AADACL2: variants seen among roughly 807,000 people sequenced by gnomAD.
AADACL2 encodes the protein arylacetamide deacetylase-like 2.
AADACL2 carries 23 observed loss-of-function variants against 22.3 expected under a neutral mutation model. That is an observed-to-expected ratio of 1.03 (90% confidence interval 0.74 to 1.46). The LOEUF is 1.46. AADACL2 is among the 40% of genes most tolerant of loss of function. AADACL2 has a pLI of 0.00. For synonymous variants in AADACL2, 177 were observed against 166.2 expected, an observed-to-expected ratio of 1.07 and a Z score of -0.50; for missense variants, 472 against 482.9, an observed-to-expected ratio of 0.98 and a Z score of 0.21.
Position 151,745,509 on chromosome 3 carries a change from C to G in AADACL2, c.432C>G (p.Asp144Glu). ...NTLDAVVVGVDYRLAPQHHFP... is the reference protein window; with the variant it reads ...NTLDAVVVGVEYRLAPQHHFP... The stretch of plus-strand genomic sequence containing the variant: ...ATGCTTTATTATTCTTTCTTTAAAG[C>G]TATAGGCTGGCTCCTCAACACCACT... The change falls in exon 4 of 5, where the codon GAC (aspartate) becomes GAG (glutamate). Residue 144 changes from aspartate (D) to glutamate (E), a missense_variant and splice_region_variant. Physicochemically the swap from Asp to Glu is conservative, Grantham distance 45. Around this residue, in one of 3 missense-constraint regions of AADACL2, gnomAD observed 356 missense variants for 365.5 expected, o/e 0.97. Transcript: ENST00000356517. 1 of 1,612,040 alleles carries G rather than the reference C, an allele frequency of 6.2e-7. No homozygotes were observed. Among genetic ancestry groups the G allele is most frequent in the Non-Finnish European group, 8.5e-7 (1 of 1,179,250 alleles).
Position 151,757,213 on chromosome 3 carries a change from A to T in AADACL2, c.825A>T (p.Arg275Ser). The T allele has an allele frequency of 6.2e-7, 1 of 1,613,706 alleles. No homozygotes were observed. The highest frequency in any genetic ancestry group is 8.5e-7 in the Non-Finnish European group (1 of 1,179,710). The change falls in exon 5 of 5, where the codon AGA becomes AGT. Residue 275 changes from arginine to serine, a missense_variant. Arg to Ser is a moderately radical substitution (Grantham distance 110). This residue lies in a region of AADACL2 where 356 missense variants were observed against 365.5 expected (regional missense o/e 0.97). Coordinates refer to ENST00000356517, the MANE Select transcript of AADACL2 (RefSeq NM_207365.4). ...ACCAACACATGCCTCTGGAGTCAAGACATCTGTTTAAGTTTGTTAACTGGA... is the reference window on the plus strand; with the variant it reads ...ACCAACACATGCCTCTGGAGTCAAGTCATCTGTTTAAGTTTGTTAACTGGA... Reference protein sequence around the residue: ...RRNQHMPLESRHLFKFVNWSI... With the variant: ...RRNQHMPLESSHLFKFVNWSI...
chr3:151,750,610 C>T (rs1303994385), intron 4 of AADACL2, among the ~76,000 whole-genome samples: 2 of 151,904 alleles, frequency 1.3e-5, no homozygotes, highest in African/African-American at 4.8e-5. Flanking sequence ...AAACACTGCT[C>T]TGTACTTTTT....
At chr3:151,743,007 T>G (rs2107983404) in intron 2 of AADACL2, among the ~76,000 whole-genome samples, 1 of 152,236 alleles carries the variant, frequency 6.6e-6, no homozygotes, top group South Asian at 2.1e-4. Context: ...CAGATTTTTT[T>G]TTTAATAGAA....
Position 151,740,878 on chromosome 3 carries a change from T to C in AADACL2, c.361+10T>C, listed in dbSNP as rs757704608. On this transcript the variant is annotated intron_variant, in intron 2 of 4. Coordinates refer to ENST00000356517, the MANE Select transcript of AADACL2 (RefSeq NM_207365.4). The stretch of plus-strand genomic sequence containing the variant: ...TGTTTTGGAAGTTCCAGTAAGTTCA[T>C]TGTATAAGGAAAAAGTGTAGCTAGC... 17 of 1,612,188 alleles carry C rather than the reference T, an allele frequency of 1.1e-5. No individual in the cohort carries two copies. The South Asian group carries it at 1.2e-4, about 11-fold the overall frequency.
At position 151,733,968 on chromosome 3, in the gene AADACL2, A is replaced by C. The variant is rs578230745; in HGVS notation, c.-68A>C. On this transcript the variant is annotated 5_prime_UTR_variant, in exon 1 of 5. Transcript: ENST00000356517. ...TTCCCAAGTCTACAATTGCTCTACT[A>C]GTTACTATTCAGTGTTTGTGAAAAA... 2 of 1,476,548 alleles carry C rather than the reference A, an allele frequency of 1.4e-6. No homozygotes were observed. The highest frequency in any genetic ancestry group is 1.8e-6 in the Non-Finnish European group (2 of 1,098,782). The allele number at this position is 1,476,548 out of a possible 1,614,324, so 91.5% of individuals were successfully genotyped here.
At chr3:151,736,572 G>T (rs1404502867) in intron 1 of AADACL2, among the ~76,000 whole-genome samples, 1 of 152,094 alleles carries the variant, frequency 6.6e-6, no homozygotes, top group South Asian at 2.1e-4. Flanking sequence ...AGAACATGTG[G>T]TGTTTGGTTT....
chr3:151,739,510 C>T (rs532907862), intron 1 of AADACL2, among the ~76,000 whole-genome samples: 13 of 152,322 alleles, frequency 8.5e-5, no homozygotes, highest in African/African-American at 3.1e-4. Flanking sequence ...TGTCCCTTAG[C>T]AGAGCTCAAG....
rs1237100777 is a variant in AADACL2 at position 151,759,255 on chromosome 3, T to C, written c.*1661T>C. 1.3e-5 allele frequency: 2 copies of C among 152,206 alleles called. No homozygotes were observed. The highest frequency in any genetic ancestry group is 2.9e-5 in the Non-Finnish European group (2 of 68,000). 9.4% of individuals were successfully genotyped at this position (152,206 alleles called of 1,614,324 possible). A position where few individuals can be genotyped will look rare whatever the true frequency, so the allele number is the denominator to read the frequency against. On this transcript the variant is annotated 3_prime_UTR_variant, in exon 5 of 5. Coordinates refer to ENST00000356517, the MANE Select transcript of AADACL2 (RefSeq NM_207365.4). ...ATTTGTAATTTGTTTTTCATGATAC[T>C]GAATCTGGTTCCAGTTCTTTTTCAT...
intron 3 of AADACL2, among the ~76,000 whole-genome samples, chr3:151,744,847 G>A (rs1215888534): frequency 2.2e-4 from 34 of 152,028 alleles, no homozygotes; most frequent in Non-Finnish European, 4.4e-5. Flanking sequence ...TCTATGAATT[G>A]ACTGCTAGAT....
chr3:151,757,470 T>C lies in AADACL2; in HGVS notation c.1082T>C (p.Val361Ala). ...VTRLRNVGVQ[V>A]VHEHIEDGIH... Reference sequence around the variant, plus strand: ...AGACTTCGAAATGTTGGAGTCCAAGTTGTTCATGAACATATTGAGGATGGA... The same window carrying C: ...AGACTTCGAAATGTTGGAGTCCAAGCTGTTCATGAACATATTGAGGATGGA... Residue 361 changes from valine (V) to alanine (A), a missense_variant, in exon 5 of 5, where the codon GTT (valine) becomes GCT (alanine). This residue lies in a region of AADACL2 where 113 missense variants were observed against 100.9 expected (regional missense o/e 1.12). Transcript: ENST00000356517. The C allele has an allele frequency of 1.2e-6, 2 of 1,613,684 alleles. No individual in the cohort carries two copies. Among genetic ancestry groups the C allele is most frequent in the African/African-American group, 2.7e-5 (2 of 75,036 alleles).
chr3:151,743,477 A>T (rs1453374475), intron 2 of AADACL2, among the ~76,000 whole-genome samples: 4 of 152,134 alleles, frequency 2.6e-5, no homozygotes, highest in African/African-American at 9.7e-5. Flanking sequence ...TACATCAAGC[A>T]TGTCAAAACT....
chr3:151,746,084 G>A (rs996072146), intron 4 of AADACL2, among the ~76,000 whole-genome samples: 1 of 151,948 alleles, frequency 6.6e-6, no homozygotes. Context: ...AATGTACATG[G>A]CATGTCTCAT....
At chr3:151,755,853 G>C (rs1165177437) in intron 4 of AADACL2, among the ~76,000 whole-genome samples, 14 of 152,048 alleles carry the variant, frequency 9.2e-5, no homozygotes, top group Admixed American at 2.6e-4. Flanking sequence ...GCTATTGATA[G>C]CAATCTTTGA....
At position 151,748,084 on chromosome 3, in the gene AADACL2, G is replaced by A. The variant is rs944265200; in HGVS notation, c.603+2404G>A. 4.6e-5 allele frequency among the ~76,000 whole-genome samples: 7 copies of A among 150,622 alleles called. No individual in the cohort carries two copies. The East Asian group carries it at 1.4e-3, about 29-fold the overall frequency. On this transcript the variant is annotated intron_variant, in intron 4 of 4. Transcript: ENST00000356517. ...AGAGTGTCTCTTCACTCTGTTGATTGTTTCTTTTTTCGTGCAGATGCTTTT... is the reference window on the plus strand; with the variant it reads ...AGAGTGTCTCTTCACTCTGTTGATTATTTCTTTTTTCGTGCAGATGCTTTT...
intron 4 of AADACL2, among the ~76,000 whole-genome samples, chr3:151,754,825 T>C (rs1713828897): frequency 2.0e-5 from 3 of 152,170 alleles, no homozygotes; most frequent in Non-Finnish European, 4.4e-5. Context: ...AATAACATCC[T>C]GAGATGAATG....
At position 151,757,018 on chromosome 3, in the gene AADACL2, T is replaced by C. The variant is rs1445088270; in HGVS notation, c.630T>C (p.His210=). The change falls in exon 5 of 5, where the codon CAT becomes CAC. Residue 210 remains histidine (H), a synonymous_variant. Coordinates refer to ENST00000356517, the MANE Select transcript of AADACL2 (RefSeq NM_207365.4). ...QQVQNDAEIK[H]KIKMQVLLYP... is the part of the protein sequence containing the mutation. The stretch of plus-strand genomic sequence containing the variant: ...TGCAGAATGATGCTGAAATAAAACA[T>C]AAAATCAAGATGCAAGTCTTACTTT... 1 of 1,606,352 alleles carries C rather than the reference T, an allele frequency of 6.2e-7. No individual in the cohort carries two copies.
At chr3:151,746,289 T>C (rs533245967) in intron 4 of AADACL2, among the ~76,000 whole-genome samples, 48 of 151,950 alleles carry the variant, frequency 3.2e-4, no homozygotes, top group Non-Finnish European at 1.0e-4. Flanking sequence ...AGAAATACAA[T>C]TGATTTTGAT....
intron 1 of AADACL2, among the ~76,000 whole-genome samples, chr3:151,739,050 T>A (rs975825674): frequency 1.3e-5 from 2 of 151,982 alleles, no homozygotes; most frequent in African/African-American, 4.8e-5. Flanking sequence ...TGGAGAGGAG[T>A]TGCAATCATT....
In AADACL2 at chr3:151,756,990, A is replaced by C; in HGVS notation, c.604-2A>C. ...TTACAGAATATTACCATATATTTTCAGGTGCAGAATGATGCTGAAATAAAA... is the reference window on the plus strand; with the variant it reads ...TTACAGAATATTACCATATATTTTCCGGTGCAGAATGATGCTGAAATAAAA... On this transcript the variant is annotated splice_acceptor_variant, in intron 4 of 4. Coordinates refer to ENST00000356517, the MANE Select transcript of AADACL2 (RefSeq NM_207365.4). LOFTEE classifies it high-confidence loss of function. 6.3e-7 allele frequency: 1 copy of C among 1,583,122 alleles called. No homozygotes were observed. The highest frequency in any genetic ancestry group is 1.1e-5 in the South Asian group (1 of 88,454).
Sources: gnomAD v4.1 joint callset for allele counts (sites outside exome capture counted in the v4.1 genomes callset) on GRCh38, gnomAD v4.1.1 for gene constraint, gnomAD v4.1.1 regional missense constraint, MANE v1.5 for transcripts, NCBI Gene and HGNC (gene_info 2026-07-23, HGNC 2026-07-21) for gene names.